The following BPIFB2 variants were observed in gnomAD, a reference collection of about 807,000 sequenced individuals.
BPIFB2 encodes BPI fold containing family B member 2.
BPIFB2 carries 39 observed loss-of-function variants against 50.1 expected under a neutral mutation model. The ratio of observed to expected loss-of-function variants is 0.78; its 90% CI spans 0.60 to 1.02. The LOEUF (loss-of-function observed/expected upper bound fraction) is 1.02, where lower values mean the gene tolerates loss of function less well. BPIFB2 is among the 50% of genes least tolerant of loss of function. The pLI, the probability that BPIFB2 is intolerant of heterozygous loss-of-function variation, is 0.00. For missense variants in BPIFB2, 574 were observed against 585.8 expected, an observed-to-expected ratio of 0.98 and a Z score of 0.21; for synonymous variants, 280 against 256.3, an observed-to-expected ratio of 1.09 and a Z score of -0.88.
intron 3 of BPIFB2, among the ~76,000 whole-genome samples, chr20:33,011,654 C>T (rs987067734): frequency 2.0e-5 from 3 of 152,172 alleles, no homozygotes; most frequent in Non-Finnish European, 4.4e-5. Context: ...ATCTAGAATC[C>T]ATCAAATTTG....
chr20:33,021,433 C>A, intron 14 of BPIFB2, 89 bp downstream of exon 14: 2 of 1,423,430 alleles, frequency 1.4e-6, no homozygotes, highest in Non-Finnish European at 9.7e-7. Context: ...CCCCTTCCCA[C>A]CTCCCAGGCT....
At chr20:33,012,722 G>A in intron 3 of BPIFB2, 81 bp from the exon 4 acceptor site, 1 of 1,085,298 alleles carries the variant, frequency 9.2e-7, no homozygotes, top group Non-Finnish European at 1.4e-6. Context: ...CATCGTGTGG[G>A]TATGGCTCAG....
intron 13 of BPIFB2, among the ~76,000 whole-genome samples, 187 bp downstream of exon 13, chr20:33,020,774 C>T (rs535261438): frequency 3.9e-5 from 6 of 152,278 alleles, no homozygotes; most frequent in Admixed American, 2.0e-4. Context: ...GCCTGGCAGT[C>T]GATGACTTGT....
At chr20:33,020,269 T>G (rs1361917293) in intron 11 of BPIFB2, 59 bp from the exon 12 acceptor site, 1 of 1,522,656 alleles carries the variant, frequency 6.6e-7, no homozygotes, top group Admixed American at 1.7e-5. Flanking sequence ...GGAGGCTGGG[T>G]GGCTGGTGCC....
intron 5 of BPIFB2, 119 bp downstream of exon 5, chr20:33,014,075 T>C: frequency 7.6e-7 from 1 of 1,308,720 alleles, no homozygotes; most frequent in South Asian, 1.5e-5. Context: ...GGGGCCCCCA[T>C]TATTGTGCTT....
At chr20:33,014,267 C>T (rs1156900163) in intron 5 of BPIFB2, among the ~76,000 whole-genome samples, 1 of 152,124 alleles carries the variant, frequency 6.6e-6, no homozygotes, top group African/African-American at 2.4e-5. Context: ...GTGAGGACCT[C>T]GGAGACCCAC....
In BPIFB2 at chr20:33,012,722, G is replaced by T; in HGVS notation, c.204-81G>T. 6 of 1,085,298 alleles carry T rather than the reference G, an allele frequency of 5.5e-6. No individual in the cohort carries two copies. The South Asian group carries it at 7.8e-5, about 14-fold the overall frequency. 67.2% of individuals were successfully genotyped at this position (1,085,298 alleles called of 1,614,324 possible). ...AGCCCTTCTTTATAACATCGTGTGG[G>T]TATGGCTCAGAGCACCCACCCCAGA... On this transcript the variant is annotated intron_variant, in intron 3 of 15. Coordinates refer to ENST00000170150, the MANE Select transcript of BPIFB2 (RefSeq NM_025227.3).
chr20:33,010,986 C>T (rs762503944), intron 2 of BPIFB2, 38 bp from the exon 3 acceptor site: 12 of 1,575,462 alleles, frequency 7.6e-6, no homozygotes, highest in Admixed American at 3.3e-5. Flanking sequence ...TGGTGGTTCC[C>T]GAGGGCACCC....
At position 33,018,795 on chromosome 20, in the gene BPIFB2, C is replaced by T. The variant is rs1244170303; in HGVS notation, c.828C>T (p.Ala276=). ...TCCTGCTGCTGCAGAAGGCCGGTGC[C>T]CTCAACCTGGACATCACAGGGCAGC... ...SALLLLQKAG[A]LNLDITGQLR... The change falls in exon 9 of 16, where the codon GCC becomes GCT. Residue 276 remains alanine (A), a synonymous_variant. Coordinates refer to ENST00000170150, the MANE Select transcript of BPIFB2 (RefSeq NM_025227.3). The T allele has an allele frequency of 2.9e-5, 47 of 1,613,208 alleles. No individual in the cohort carries two copies. The highest frequency in any genetic ancestry group is 3.7e-5 in the Non-Finnish European group (44 of 1,179,718).
intron 6 of BPIFB2, 94 bp downstream of exon 6, chr20:33,015,590 G>T (rs1437046254): frequency 8.2e-6 from 9 of 1,101,618 alleles, no homozygotes; most frequent in East Asian, 2.6e-5. Context: ...GGGGTACTTT[G>T]CTTGGGATTA....
Position 33,018,806 on chromosome 20 carries a change from A to T in BPIFB2, c.839A>T (p.Asp280Val). 6.2e-7 allele frequency: 1 copy of T among 1,612,676 alleles called. No homozygotes were observed. Among genetic ancestry groups the T allele is most frequent in the Non-Finnish European group, 8.5e-7 (1 of 1,179,450 alleles). ...LLQKAGALNL[D>V]ITGQLRSDDN... is the part of the protein sequence containing the mutation. The stretch of plus-strand genomic sequence containing the variant: ...CAGAAGGCCGGTGCCCTCAACCTGG[A>T]CATCACAGGGCAGCTGGTGAGGGCC... Residue 280 changes from aspartate to valine, a missense_variant, in exon 9 of 16, where the codon GAC becomes GTC. Asp to Val is a radical substitution (Grantham distance 152). Coordinates refer to ENST00000170150, the MANE Select transcript of BPIFB2 (RefSeq NM_025227.3).
chr20:33,012,265 A>C (rs1271165831), intron 3 of BPIFB2, among the ~76,000 whole-genome samples: 3 of 152,322 alleles, frequency 2.0e-5, no homozygotes, highest in African/African-American at 7.2e-5. Context: ...GTTTGTAGAC[A>C]CAGGATTGAA....
rs1370664872 is a variant in BPIFB2, at chr20:33,019,575, C to T, written c.910-5C>T. 4 of 1,580,094 alleles carry T rather than the reference C, an allele frequency of 2.5e-6. No homozygotes were observed. Among genetic ancestry groups the T allele is most frequent in the Non-Finnish European group, 3.4e-6 (4 of 1,160,070 alleles). ...GCAGGGCCTCCTCCGCCTCTGCCTCCCCAGGTGGCCCGCCAGTTTCCCGAG... is the reference window on the plus strand; with the variant it reads ...GCAGGGCCTCCTCCGCCTCTGCCTCTCCAGGTGGCCCGCCAGTTTCCCGAG... On this transcript the variant is annotated splice_region_variant and splice_polypyrimidine_tract_variant and intron_variant, in intron 10 of 15. Coordinates refer to ENST00000170150, the MANE Select transcript of BPIFB2 (RefSeq NM_025227.3).
chr20:33,018,841 G>T lies in BPIFB2; in HGVS notation c.855+19G>T, dbSNP rs201596840. The T allele has an allele frequency of 1.9e-4, 311 of 1,601,996 alleles. No individual in the cohort carries two copies. Among genetic ancestry groups the T allele is most frequent in the Non-Finnish European group, 2.5e-4 (293 of 1,174,090 alleles). Reference sequence around the variant, plus strand: ...GCAGCTGGTGAGGGCCCGACCTGCAGCCCAGGGCCTGTGGGGCAAGAGCTC... The same window carrying T: ...GCAGCTGGTGAGGGCCCGACCTGCATCCCAGGGCCTGTGGGGCAAGAGCTC... On this transcript the variant is annotated intron_variant, in intron 9 of 15. Transcript: ENST00000170150.
chr20:33,015,301 G>T, intron 5 of BPIFB2, 135 bp from the exon 6 acceptor site: 2 of 678,426 alleles, frequency 2.9e-6, no homozygotes, highest in South Asian at 2.2e-5. Flanking sequence ...TCTGGCAGAT[G>T]GCAGGGCATC....
In BPIFB2 at chr20:33,016,912, G is replaced by A. The variant is rs1978450287; in HGVS notation, c.517-130G>A. The A allele has an allele frequency of 6.3e-6, 5 of 788,134 alleles. No homozygotes were observed. In the Admixed American group the frequency reaches 1.2e-4, roughly 20 times the overall value. 48.8% of individuals were successfully genotyped at this position (788,134 alleles called of 1,614,324 possible). ...AGGAGATGCCCACTGGCGGGTGGAGGAAGGGATTCCAGGCATGGTGTATGG... is the reference window on the plus strand; with the variant it reads ...AGGAGATGCCCACTGGCGGGTGGAGAAAGGGATTCCAGGCATGGTGTATGG... On this transcript the variant is annotated intron_variant, in intron 6 of 15. Coordinates refer to ENST00000170150, the MANE Select transcript of BPIFB2 (RefSeq NM_025227.3).
In BPIFB2 at chr20:33,020,246, C is replaced by T. The variant is rs1228143078; in HGVS notation, c.1081-82C>T. The T allele has an allele frequency of 1.5e-5, 20 of 1,364,324 alleles. No individual in the cohort carries two copies. In the East Asian group the frequency reaches 2.1e-4, roughly 14 times the overall value. 84.5% of individuals were successfully genotyped at this position (1,364,324 alleles called of 1,614,324 possible). On this transcript the variant is annotated intron_variant, in intron 11 of 15. Coordinates refer to ENST00000170150, the MANE Select transcript of BPIFB2 (RefSeq NM_025227.3). ...ACAGACACCTGCTGCCTGAATGAGT[C>T]GGGGGATGGGTGGGAGGCTGGGTGG...
At chr20:33,022,784 A>G (rs190528906) in intron 15 of BPIFB2, among the ~76,000 whole-genome samples, 1 of 152,232 alleles carries the variant, frequency 6.6e-6, no homozygotes, top group South Asian at 2.1e-4. Context: ...TTAATTAGCC[A>G]TAGCCACTAA....
intron 10 of BPIFB2, 91 bp from the exon 11 acceptor site, chr20:33,019,489 A>T: frequency 7.2e-7 from 1 of 1,380,554 alleles, no homozygotes; most frequent in Non-Finnish European, 9.7e-7. Context: ...ATACAGCGCC[A>T]TGGTGGCCCA....
Sources: allele counts gnomAD v4.1 joint callset (sites outside exome capture counted in the v4.1 genomes callset), GRCh38; gene constraint gnomAD v4.1.1; transcripts MANE v1.5; gene names NCBI Gene and HGNC (gene_info 2026-07-23, HGNC 2026-07-21).